PPARGC1A: variants seen among roughly 807,000 people sequenced by gnomAD.
PPARGC1A encodes the protein PPARG coactivator 1 alpha.
Under a neutral mutation model 88.7 loss-of-function variants are expected in PPARGC1A, and 25 were observed. The observed-to-expected ratio is 0.28, with a 90% CI of 0.21 to 0.39. PPARGC1A has a LOEUF of 0.39. PPARGC1A is among the 10% of genes least tolerant of loss of function. PPARGC1A has a pLI of 1.00. For missense variants in PPARGC1A, 880 were observed against 968.7 expected (o/e 0.91, Z 1.22); for synonymous variants, 363 against 355.6 (o/e 1.02, Z -0.24).
At chr4:24,430,006 C>A in the PPARGC1A span, among the ~76,000 whole-genome samples, 10 of 152,144 alleles carry the variant, frequency 6.6e-5, no homozygotes, top group South Asian at 6.2e-4. Flanking sequence ...GAGATCCAGT[C>A]CTGGTCCTAT....
chr4:23,922,697 G>A, the PPARGC1A span, among the ~76,000 whole-genome samples: 1 of 152,096 alleles, frequency 6.6e-6, no homozygotes, highest in Non-Finnish European at 1.5e-5. Flanking sequence ...CAATGAAAAC[G>A]CCCAACTCAT....
chr4:24,091,690 AC>A, the PPARGC1A span: 35 of 964,512 alleles, frequency 3.6e-5, no homozygotes, highest in Middle Eastern at 5.3e-4. Context: ...GGAAGAACCC[AC>A]CGGGGAACAA....
chr4:24,041,768 A>G, the PPARGC1A span, among the ~76,000 whole-genome samples: 1 of 152,206 alleles, frequency 6.6e-6, no homozygotes. Context: ...ATCCCAAAGT[A>G]TGAATCCTAC....
the PPARGC1A span, among the ~76,000 whole-genome samples, chr4:23,958,960 G>C: frequency 6.8e-6 from 1 of 148,088 alleles, no homozygotes; most frequent in Non-Finnish European, 1.5e-5. Context: ...ACATATCCTA[G>C]AACTTGAGTA....
At chr4:24,208,042 G>A in the PPARGC1A span, among the ~76,000 whole-genome samples, 2 of 152,132 alleles carry the variant, frequency 1.3e-5, no homozygotes, top group African/African-American at 4.8e-5. Flanking sequence ...ACTTTGAGAA[G>A]CTAAGGTGGG....
the PPARGC1A span, among the ~76,000 whole-genome samples, chr4:24,305,669 G>A: frequency 1.0e-3 from 153 of 152,170 alleles, no homozygotes; most frequent in African/African-American, 3.0e-3. Flanking sequence ...AAAATTAGCC[G>A]GATGTGGTGG....
At chr4:24,064,536 TAG>T in the PPARGC1A span, among the ~76,000 whole-genome samples, 1 of 152,066 alleles carries the variant, frequency 6.6e-6, no homozygotes, top group Admixed American at 6.6e-5. Context: ...GAAGATGCTG[TAG>T]AGTTAGTCCC....
At chr4:23,837,004 C>T (rs566168525) in intron 2 of PPARGC1A, among the ~76,000 whole-genome samples, 2 of 152,256 alleles carry the variant, frequency 1.3e-5, no homozygotes, top group African/African-American at 2.4e-5. Context: ...CCATGCCCTG[C>T]TTATGTTAGT....
the PPARGC1A span, among the ~76,000 whole-genome samples, chr4:24,293,442 A>C: frequency 2.5e-4 from 1 of 4,026 alleles, no homozygotes; most frequent in Non-Finnish European, 4.3e-4. Flanking sequence ...TGCTCCTCCT[A>C]CCCCCTCACC....
the PPARGC1A span, among the ~76,000 whole-genome samples, chr4:24,002,415 T>G: frequency 1.3e-5 from 2 of 152,118 alleles, no homozygotes; most frequent in Non-Finnish European, 2.9e-5. Flanking sequence ...TGTGAGCCAC[T>G]GCACCCAGCC....
At chr4:24,181,112 G>T in the PPARGC1A span, among the ~76,000 whole-genome samples, 1 of 152,228 alleles carries the variant, frequency 6.6e-6, no homozygotes, top group East Asian at 1.9e-4. Flanking sequence ...TCTTAACTTT[G>T]TCACAACATT....
chr4:23,886,947 G>A (rs1717022155), intron 1 of PPARGC1A, among the ~76,000 whole-genome samples: 1 of 151,648 alleles, frequency 6.6e-6, no homozygotes, highest in African/African-American at 2.4e-5. Context: ...TATGGCTTAA[G>A]TTCCTGTTGT....
intron 2 of PPARGC1A, among the ~76,000 whole-genome samples, chr4:23,858,391 T>C (rs1186149222): frequency 6.6e-6 from 1 of 152,212 alleles, no homozygotes; most frequent in Non-Finnish European, 1.5e-5. Flanking sequence ...AGGCAGGCAC[T>C]ATTTTACAAA....
chr4:24,182,133 A>T, the PPARGC1A span, among the ~76,000 whole-genome samples: 1 of 152,050 alleles, frequency 6.6e-6, no homozygotes. Context: ...ATTTGTCCTA[A>T]TGCTATCCCT....
the PPARGC1A span, among the ~76,000 whole-genome samples, chr4:24,299,589 C>T: frequency 3.3e-5 from 5 of 152,096 alleles, no homozygotes; most frequent in Admixed American, 6.6e-5. Flanking sequence ...AAATTGTGAG[C>T]TACCTCAGTC....
the PPARGC1A span, among the ~76,000 whole-genome samples, chr4:24,138,881 T>G: frequency 2.0e-5 from 3 of 152,130 alleles, no homozygotes; most frequent in African/African-American, 7.2e-5. Context: ...ACTAGAGTAT[T>G]GATTTTGAGA....
the PPARGC1A span, among the ~76,000 whole-genome samples, chr4:24,400,515 A>G: frequency 2.0e-5 from 3 of 152,182 alleles, no homozygotes; most frequent in Non-Finnish European, 2.9e-5. Context: ...CTAAGTTAAT[A>G]CTTAATAAAC....
chr4:23,943,723 C>A, the PPARGC1A span, among the ~76,000 whole-genome samples: 1 of 152,092 alleles, frequency 6.6e-6, no homozygotes, highest in Non-Finnish European at 1.5e-5. Context: ...CAGTGGAGAA[C>A]CCTGGCACCC....
the PPARGC1A span, among the ~76,000 whole-genome samples, chr4:24,056,144 T>G: frequency 6.6e-6 from 1 of 152,232 alleles, no homozygotes. Flanking sequence ...GGGACTCCAA[T>G]CTAGAATTGC....
Sources: allele counts gnomAD v4.1 joint callset (sites outside exome capture counted in the v4.1 genomes callset), GRCh38; gene constraint gnomAD v4.1.1; transcripts MANE v1.5; gene names NCBI Gene and HGNC (gene_info 2026-07-23, HGNC 2026-07-21).